Variants in PDE4D observed in about 807,000 individuals in gnomAD.
The protein encoded by PDE4D is phosphodiesterase 4D, also known as 3',5'-cyclic-AMP phosphodiesterase 4D.
Under a neutral mutation model 87.4 loss-of-function variants are expected in PDE4D, and 24 were observed. The observed-to-expected ratio is 0.27, with a 90% CI of 0.20 to 0.39. The LOEUF is 0.39. PDE4D is among the 10% of genes least tolerant of loss of function. The probability of loss-of-function intolerance (pLI) is 1.00; values close to 1 mark genes in which losing one functional copy is unlikely to be tolerated. For synonymous variants in PDE4D, 384 were observed against 383.2 expected (o/e 1.00, Z -0.02); for missense variants, 714 against 1,041.0 (o/e 0.69, Z 4.32).
At chr5:60,046,792 C>T (rs1165288217) in intron 2 of PDE4D, among the ~76,000 whole-genome samples, 1 of 152,128 alleles carries the variant, frequency 6.6e-6, no homozygotes, top group South Asian at 2.1e-4. Flanking sequence ...AGGATTTTTG[C>T]ATCAATGTTC....
At chr5:59,439,357 C>CAAAAAA (rs3061710) in intron 1 of PDE4D, among the ~76,000 whole-genome samples, 4 of 72,570 alleles carry the variant, frequency 5.5e-5, no homozygotes, top group African/African-American at 8.6e-5. Flanking sequence ...AAGACTCTGT[C>CAAAAAA]AAAAAAAAAA....
At chr5:60,166,092 AATTT>A (rs897856113) in intron 2 of PDE4D, among the ~76,000 whole-genome samples, 1 of 151,904 alleles carries the variant, frequency 6.6e-6, no homozygotes. Context: ...CACTTTATAA[AATTT>A]ATTTATTTAT....
chr5:59,817,528 T>A (rs1287853106), intron 1 of PDE4D, among the ~76,000 whole-genome samples: 2 of 152,232 alleles, frequency 1.3e-5, no homozygotes, highest in African/African-American at 4.8e-5. Context: ...AGTGTTGATA[T>A]GTTCCCATCA....
At chr5:59,368,665 C>T (rs1783468708) in intron 1 of PDE4D, among the ~76,000 whole-genome samples, 1 of 152,140 alleles carries the variant, frequency 6.6e-6, no homozygotes, top group South Asian at 2.1e-4. Context: ...GAATATGATA[C>T]AATGTATGCA....
intron 1 of PDE4D, among the ~76,000 whole-genome samples, chr5:59,802,396 CT>C (rs60356253): frequency 0.16 from 17,873 of 110,062 alleles, 850 homozygotes; most frequent in African/African-American, 0.26. Context: ...CTTCCATATT[CT>C]TTTTTTTTTT....
At chr5:59,836,665 CTACCTATCT>C (rs1188122836) in intron 1 of PDE4D, among the ~76,000 whole-genome samples, 3 of 140,030 alleles carry the variant, frequency 2.1e-5, no homozygotes, top group Non-Finnish European at 4.6e-5. Context: ...TATCATCTAT[CTACCTATCT>C]ATCTATCTAC....
intron 1 of PDE4D, among the ~76,000 whole-genome samples, chr5:59,547,959 G>C (rs1172607789): frequency 6.6e-6 from 1 of 152,116 alleles, no homozygotes; most frequent in Non-Finnish European, 1.5e-5. Context: ...CATGTCACAA[G>C]AATTACTACA....
intron 5 of PDE4D, among the ~76,000 whole-genome samples, chr5:59,110,684 T>C (rs1364179464): frequency 6.6e-6 from 1 of 152,014 alleles, no homozygotes; most frequent in Non-Finnish European, 1.5e-5. Context: ...CTAGCCTAAG[T>C]GTCATGGCGA....
At chr5:60,247,713 C>G (rs1222550385) in intron 1 of PDE4D, among the ~76,000 whole-genome samples, 1 of 151,908 alleles carries the variant, frequency 6.6e-6, no homozygotes, top group East Asian at 1.9e-4. Flanking sequence ...TGCTTCCTCT[C>G]TCTCCTCTCC....
chr5:59,029,460 A>G (rs1221934516), intron 6 of PDE4D, among the ~76,000 whole-genome samples: 3 of 151,724 alleles, frequency 2.0e-5, no homozygotes, highest in African/African-American at 7.2e-5. Flanking sequence ...TCTAACCAAC[A>G]AGGTGAAAGA....
At chr5:60,327,211 T>C (rs539564019) in intron 1 of PDE4D, among the ~76,000 whole-genome samples, 7 of 152,238 alleles carry the variant, frequency 4.6e-5, no homozygotes, top group African/African-American at 1.4e-4. Context: ...CCCAAACAAG[T>C]GGCCAAACCT....
intron 2 of PDE4D, among the ~76,000 whole-genome samples, chr5:60,099,526 C>A (rs1414313050): frequency 6.6e-6 from 1 of 151,794 alleles, no homozygotes; most frequent in Admixed American, 6.6e-5. Flanking sequence ...AAAGTACAAA[C>A]TTCTCTACTT....
intron 1 of PDE4D, among the ~76,000 whole-genome samples, chr5:60,497,212 G>T (rs1422185244): frequency 6.6e-6 from 1 of 152,114 alleles, no homozygotes; most frequent in Non-Finnish European, 1.5e-5. Context: ...GTAGTTGTAT[G>T]AGCACATCCA....
At position 58,974,961 on chromosome 5, in the gene PDE4D, T is replaced by G. The variant is rs187813449; in HGVS notation, c.2133A>C (p.Thr711=). The change falls in exon 15 of 15, where the codon ACA becomes ACC. Residue 711 remains threonine (T), a synonymous_variant. Coordinates refer to ENST00000340635, the MANE Select transcript of PDE4D (RefSeq NM_001104631.2). ...GTGCAGGAGAGGGGCTCTGAGGGAT[T>G]GTGCTCTGGTACCATTCACGATTGT... ...LEDNREWYQS[T]IPQSPSPAPD... 412 of 1,613,466 alleles carry G rather than the reference T, an allele frequency of 2.6e-4. 8 individuals are homozygous for G. In the South Asian group the frequency reaches 3.5e-3, roughly 14 times the overall value.
chr5:59,850,501 T>C (rs1445542420), intron 1 of PDE4D, among the ~76,000 whole-genome samples: 1 of 152,098 alleles, frequency 6.6e-6, no homozygotes, highest in Admixed American at 6.6e-5. Context: ...GTCACTATTA[T>C]CTGTCGTTCT....
rs184501820 is a variant in PDE4D, at chr5:60,252,467, T to A, written c.-89-66780A>T. 2.7e-5 allele frequency among the ~76,000 whole-genome samples: 4 copies of A among 149,656 alleles called. No homozygotes were observed. In the East Asian group the frequency reaches 7.9e-4, roughly 29 times the overall value. Reference sequence around the variant, plus strand: ...CCAGTTTATTTAGAGTCTTTCTAAATATGTTTTAAAATACCTGAAGTTCTA... The same window carrying A: ...CCAGTTTATTTAGAGTCTTTCTAAAAATGTTTTAAAATACCTGAAGTTCTA... On this transcript the variant is annotated intron_variant, in intron 1 of 16. Coordinates refer to the PDE4D transcript ENST00000502484.
At chr5:59,394,845 A>G (rs1274892427) in intron 1 of PDE4D, among the ~76,000 whole-genome samples, 1 of 152,090 alleles carries the variant, frequency 6.6e-6, no homozygotes, top group African/African-American at 2.4e-5. Flanking sequence ...AGGGAGTGCC[A>G]GACAGTAGGC....
At chr5:60,334,426 G>A (rs1757568627) in intron 1 of PDE4D, among the ~76,000 whole-genome samples, 2 of 152,100 alleles carry the variant, frequency 1.3e-5, no homozygotes, top group Admixed American at 1.3e-4. Context: ...AATAATTATT[G>A]TAAATCACAT....
At chr5:59,441,661 G>T (rs185614385) in intron 1 of PDE4D, among the ~76,000 whole-genome samples, 52 of 152,238 alleles carry the variant, frequency 3.4e-4, no homozygotes, top group Admixed American at 2.0e-3. Flanking sequence ...TAATTTCTCT[G>T]CTGTACATCT....
Sources: allele counts gnomAD v4.1 joint callset (sites outside exome capture counted in the v4.1 genomes callset), GRCh38; gene constraint gnomAD v4.1.1; transcripts MANE v1.5; gene names NCBI Gene and HGNC (gene_info 2026-07-23, HGNC 2026-07-21).